Variants in FER1L5 observed in about 807,000 individuals in gnomAD.
FER1L5 encodes fer-1 like family member 5, also known as fer-1-like protein 5.
FER1L5 carries 187 observed loss-of-function variants against 279.9 expected under a neutral mutation model. That is an observed-to-expected ratio of 0.67 (90% CI 0.59 to 0.75). The LOEUF is 0.75. Among genes scored for constraint, FER1L5 ranks in the 30% least tolerant of loss-of-function variants. FER1L5 has a pLI of 0.00. For synonymous variants in FER1L5, 921 were observed against 989.7 expected, an observed-to-expected ratio of 0.93 and a Z score of 1.30; for missense variants, 2,091 against 2,594.4, an observed-to-expected ratio of 0.81 and a Z score of 4.21.
At chr2:96,653,586 TGGGTGAAGTGGCGGAAGAAA>T in intron 7 of FER1L5, 34 bp from the exon 8 acceptor site, 1 of 1,348,260 alleles carries the variant, frequency 7.4e-7, no homozygotes, top group South Asian at 1.2e-5. Context: ...ACTGAGTGCT[TGGGTGAAGTGGCGGAAGAAA>T]TCATCCACTC....
chr2:96,671,844 G>A (rs576290894), intron 18 of FER1L5, among the ~76,000 whole-genome samples: 4 of 152,186 alleles, frequency 2.6e-5, no homozygotes, highest in East Asian at 3.8e-4. Context: ...GAGAAAGGGC[G>A]AGGACTGAGA....
chr2:96,696,127 A>C, intron 37 of FER1L5, 50 bp downstream of exon 37: 1 of 1,610,654 alleles, frequency 6.2e-7, no homozygotes, highest in East Asian at 2.2e-5. Context: ...GACGGGGTAT[A>C]ACCCTTGGGC....
rs1159877338 is a variant in FER1L5, at chr2:96,682,359, T to C, written c.1670-1968T>C. Among the ~76,000 whole-genome samples the C allele has an allele frequency of 2.0e-5, 3 of 152,386 alleles. No individual in the cohort carries two copies. In the East Asian group the frequency reaches 5.8e-4, roughly 29 times the overall value. ...CTCCCGCCTTGGCCTCCCAAAGTGC[T>C]GGGATTACAGGCGTGAGCCACCGCA... On this transcript the variant is annotated intron_variant, in intron 19 of 52. Transcript: ENST00000624922.
chr2:96,689,598 C>T lies in FER1L5; in HGVS notation c.2526-46C>T, dbSNP rs149665146. ...GGCCAGCAGAAGACGGCCCTAGGGG[C>T]TGCTTGGGGAGTTGTGCTGGGAACT... On this transcript the variant is annotated intron_variant, in intron 25 of 52. Coordinates refer to ENST00000624922, the MANE Select transcript of FER1L5 (RefSeq NM_001293083.2). The surrounding 1 kb of genome is among the most constrained non-coding windows in gnomAD (Gnocchi z 4.6). The T allele has an allele frequency of 6.6e-7, 1 of 1,518,252 alleles. No homozygotes were observed. Among genetic ancestry groups the T allele is most frequent in the East Asian group, 2.5e-5 (1 of 40,728 alleles). 94.0% of individuals were successfully genotyped at this position (1,518,252 alleles called of 1,614,324 possible). A position where few individuals can be genotyped will look rare whatever the true frequency, so the allele number is the denominator to read the frequency against.
intron 14 of FER1L5, among the ~76,000 whole-genome samples, chr2:96,668,486 A>T (rs2076208272): frequency 6.6e-6 from 1 of 152,162 alleles, no homozygotes; most frequent in Non-Finnish European, 1.5e-5. Flanking sequence ...GTGAGCTATG[A>T]TCATGCCACT....
chr2:96,664,355 T>G (rs1421610028), intron 14 of FER1L5, among the ~76,000 whole-genome samples: 7 of 152,086 alleles, frequency 4.6e-5, no homozygotes, highest in African/African-American at 1.7e-4. Context: ...TTCCACCCCC[T>G]CCCATCCCCA....
At chr2:96,653,738 TCTTGTCCCA>T in intron 8 of FER1L5, 36 bp downstream of exon 8, 1 of 1,498,828 alleles carries the variant, frequency 6.7e-7, no homozygotes, top group East Asian at 2.5e-5. Flanking sequence ...AAGGTGGGTT[TCTTGTCCCA>T]CTTCAATACT....
intron 9 of FER1L5, among the ~76,000 whole-genome samples, chr2:96,659,445 C>CTTTCTTTCTTTCTTTCTT (rs2075831587): frequency 3.4e-5 from 1 of 29,510 alleles, no homozygotes. Flanking sequence ...TTCTTTCTTT[C>CTTTCTTTCTTTCTTTCTT]TTTCTTTCTT....
intron 19 of FER1L5, among the ~76,000 whole-genome samples, chr2:96,675,233 A>G (rs2076468813): frequency 6.6e-6 from 1 of 152,150 alleles, no homozygotes; most frequent in African/African-American, 2.4e-5. Context: ...TAATTTTGTT[A>G]TAAACATTCT....
At position 96,650,149 on chromosome 2, in the gene FER1L5, T is replaced by C. The variant is rs866082435; in HGVS notation, c.395-31T>C. On this transcript the variant is annotated intron_variant, in intron 5 of 52. Transcript: ENST00000624922. ...CCTCAAACCTCCTGGGCCCCAGGCC[T>C]CTGACCCCACCCTGCACTGTGTCTC... 28 of 1,530,758 alleles carry C rather than the reference T, an allele frequency of 1.8e-5. No individual in the cohort carries two copies. The Middle Eastern group carries it at 1.4e-3, about 77-fold the overall frequency. The allele number at this position is 1,530,758 out of a possible 1,614,324, so 94.8% of individuals were successfully genotyped here.
chr2:96,695,553 C>A lies in FER1L5; in HGVS notation c.3786C>A (p.Pro1262=), dbSNP rs542181513. The A allele has an allele frequency of 6.7e-5, 107 of 1,593,772 alleles. No individual in the cohort carries two copies. The East Asian group carries it at 2.2e-3, about 33-fold the overall frequency. Residue 1262 remains proline (P), a synonymous_variant, in exon 35 of 53, where the codon CCC becomes CCA. Coordinates refer to ENST00000624922, the MANE Select transcript of FER1L5 (RefSeq NM_001293083.2). ...GLRNMKKASS[P]QLLVEFGEES... ...GGAACATGAAGAAGGCGAGCTCCCC[C>A]CAGCTCCTGGTGGAATTCGGGGAAG...
In FER1L5 at chr2:96,694,237, C is replaced by A. The variant is rs2077273798; in HGVS notation, c.3637-123C>A. On this transcript the variant is annotated intron_variant, in intron 33 of 52. Coordinates refer to ENST00000624922, the MANE Select transcript of FER1L5 (RefSeq NM_001293083.2). The surrounding 1 kb of genome is among the most constrained non-coding windows in gnomAD (Gnocchi z 4.6). ...GGCCTGACCAGCCTCTCCCCTAAGTCCCCCTGCCAGCCCCTACCCATGGGG... is the reference window on the plus strand; with the variant it reads ...GGCCTGACCAGCCTCTCCCCTAAGTACCCCTGCCAGCCCCTACCCATGGGG... 2.3e-6 allele frequency: 3 copies of A among 1,302,068 alleles called. No homozygotes were observed. The highest frequency in any genetic ancestry group is 3.1e-5 in the South Asian group (2 of 65,348). The allele number at this position is 1,302,068 out of a possible 1,614,324, so 80.7% of individuals were successfully genotyped here.
intron 14 of FER1L5, among the ~76,000 whole-genome samples, chr2:96,667,594 G>A (rs1413409403): frequency 2.6e-4 from 39 of 152,238 alleles, no homozygotes; most frequent in East Asian, 1.9e-3. Flanking sequence ...TGATCTGCCC[G>A]CCTCGGCCTC....
chr2:96,668,825 A>G lies in FER1L5; in HGVS notation c.1184+31A>G, dbSNP rs1391087371. On this transcript the variant is annotated intron_variant, in intron 15 of 52. Coordinates refer to ENST00000624922, the MANE Select transcript of FER1L5 (RefSeq NM_001293083.2). ...CAACCTGGTGGAGGCTGAAGCACAC[A>G]GGGAAGGAAGAAATGAGAGCTGGGC... 3.9e-6 allele frequency: 6 copies of G among 1,551,498 alleles called. No individual in the cohort carries two copies. The Admixed American group carries it at 5.9e-5, about 15-fold the overall frequency.
Position 96,702,845 on chromosome 2 carries a change from C to A in FER1L5, c.5397+104C>A. ...CAGAGGCTTGCAATCTGTCCCAGAA[C>A]ATCAGAAACATGTCCTCAGGTGGAA... On this transcript the variant is annotated intron_variant, in intron 48 of 52. Transcript: ENST00000624922. This position sits in a 1 kb window ranked among gnomAD's most constrained non-coding sequence, Gnocchi z 4.0. 1 of 1,539,778 alleles carries A rather than the reference C, an allele frequency of 6.5e-7. No individual in the cohort carries two copies. Among genetic ancestry groups the A allele is most frequent in the South Asian group, 1.2e-5 (1 of 83,298 alleles).
chr2:96,660,715 C>T (rs2075922276), intron 10 of FER1L5, among the ~76,000 whole-genome samples: 1 of 152,098 alleles, frequency 6.6e-6, no homozygotes, highest in Admixed American at 6.6e-5. Flanking sequence ...CCACCACACC[C>T]AGCTAATTTT....
At chr2:96,693,712 G>C (rs2077246026) in intron 32 of FER1L5, 25 bp downstream of exon 32, 2 of 1,546,820 alleles carry the variant, frequency 1.3e-6, no homozygotes, top group Non-Finnish European at 1.7e-6. Context: ...GCAGAGCAAG[G>C]GGAAGAGGAC....
intron 37 of FER1L5, 29 bp downstream of exon 37, chr2:96,696,106 C>T (rs758311451): frequency 3.7e-6 from 6 of 1,613,242 alleles, no homozygotes; most frequent in Non-Finnish European, 5.1e-6. Flanking sequence ...CCCACCTTCT[C>T]CCATACTGTT....
At position 96,698,124 on chromosome 2, in the gene FER1L5, A is replaced by G; in HGVS notation, c.4324A>G (p.Lys1442Glu). ...QTFKLYQEQP[K>E]LDSPVVGEFK... ...CTTCAAACTCTACCAGGAGCAGCCC[A>G]AGTTGGACAGCCCCGTGGTAGGGGA... The change falls in exon 40 of 53, where the codon AAG becomes GAG. Residue 1442 changes from lysine (K) to glutamate (E), a missense_variant. Lys to Glu is a moderately conservative substitution (Grantham distance 56, BLOSUM62 1). Transcript: ENST00000624922. The surrounding 1 kb of genome is among the most constrained non-coding windows in gnomAD (Gnocchi z 5.5). 3.8e-6 allele frequency: 6 copies of G among 1,579,894 alleles called. No individual in the cohort carries two copies. Among genetic ancestry groups the G allele is most frequent in the Non-Finnish European group, 5.2e-6 (6 of 1,163,154 alleles).
Sources: allele counts gnomAD v4.1 joint callset (sites outside exome capture counted in the v4.1 genomes callset), GRCh38; gene constraint gnomAD v4.1.1; non-coding constraint Gnocchi (gnomAD v3.1); transcripts MANE v1.5; gene names NCBI Gene and HGNC (gene_info 2026-07-23, HGNC 2026-07-21).